Variants in DISP1 observed in about 807,000 individuals in gnomAD.
DISP1 encodes the protein protein dispatched homolog 1.
DISP1 carries 30 observed loss-of-function variants against 37.3 expected under a neutral mutation model. The ratio of observed to expected loss-of-function variants is 0.80; its 90% CI spans 0.60 to 1.09. DISP1 has a LOEUF of 1.09. Among genes scored for constraint, DISP1 ranks in the 50% least tolerant of loss-of-function variants. The probability of loss-of-function intolerance (pLI) is 0.00; values close to 1 mark genes in which losing one functional copy is unlikely to be tolerated. For synonymous variants in DISP1, 634 were observed against 690.2 expected (o/e 0.92, Z 1.28); for missense variants, 1,598 against 1,879.5 (o/e 0.85, Z 2.77).
intron 4 of DISP1, among the ~76,000 whole-genome samples, chr1:222,987,611 G>A (rs1251436793): frequency 2.0e-5 from 3 of 152,144 alleles, no homozygotes; most frequent in Non-Finnish European, 4.4e-5. Context: ...ATTGAATGGG[G>A]CTTTTAACGT....
chr1:222,955,055 A>G (rs994793917), intron 3 of DISP1, among the ~76,000 whole-genome samples: 3 of 151,712 alleles, frequency 2.0e-5, no homozygotes, highest in Admixed American at 6.6e-5. Context: ...GATTGCTCCC[A>G]TAAAATGAAT....
chr1:222,916,262 G>A (rs962748968), intron 1 of DISP1, among the ~76,000 whole-genome samples: 7 of 152,184 alleles, frequency 4.6e-5, no homozygotes, highest in African/African-American at 1.4e-4. Flanking sequence ...CAAATATATG[G>A]TCGCTTGATA....
At chr1:222,938,733 TAAAAAAAA>T (rs33948431) in intron 2 of DISP1, among the ~76,000 whole-genome samples, 2 of 57,618 alleles carry the variant, frequency 3.5e-5, no homozygotes, top group African/African-American at 7.2e-5. Flanking sequence ...ACCCTGTCTT[TAAAAAAAA>T]AAAAAAAAAA....
At chr1:222,860,216 G>A (rs1049466233) in intron 1 of DISP1, among the ~76,000 whole-genome samples, 7 of 152,032 alleles carry the variant, frequency 4.6e-5, no homozygotes, top group South Asian at 2.1e-4. Flanking sequence ...CACCAGGCCC[G>A]GCTAATTTTG....
chr1:222,815,055 A>T lies in DISP1; in HGVS notation c.-182A>T, dbSNP rs886292479. The T allele has an allele frequency of 6.6e-6, 1 of 152,200 alleles. No homozygotes were observed. 9.4% of individuals were successfully genotyped at this position (152,200 alleles called of 1,614,324 possible). ...CCAGGCGGAAGCCCGGCTCCGGGCC[A>T]GCATCCGAGAGCCCGGACTGGAGGT... On this transcript the variant is annotated 5_prime_UTR_variant, in exon 1 of 9. Coordinates refer to ENST00000675850, the MANE Select transcript of DISP1 (RefSeq NM_001377229.1).
chr1:222,907,140 C>T (rs1246347010), intron 1 of DISP1, among the ~76,000 whole-genome samples: 2 of 152,066 alleles, frequency 1.3e-5, no homozygotes, highest in Non-Finnish European at 2.9e-5. Context: ...AGAACTGAGG[C>T]AGGATTGTTG....
chr1:222,870,489 G>A (rs559391522), intron 1 of DISP1, among the ~76,000 whole-genome samples: 2,662 of 152,214 alleles, frequency 0.017, 97 homozygotes, highest in African/African-American at 0.06. Context: ...ATTCTAACTG[G>A]TGTGAGATGG....
intron 1 of DISP1, among the ~76,000 whole-genome samples, chr1:222,821,566 A>C (rs1375268764): frequency 6.6e-6 from 1 of 151,976 alleles, no homozygotes; most frequent in African/African-American, 2.4e-5. Context: ...TTCTCATGAG[A>C]TCTGATGGTT....
chr1:222,974,648 T>A (rs1400168445), intron 3 of DISP1, among the ~76,000 whole-genome samples: 1 of 152,128 alleles, frequency 6.6e-6, no homozygotes, highest in East Asian at 1.9e-4. Context: ...ATTTAGGAAA[T>A]GCATCACACA....
chr1:222,977,624 T>C (rs1336372838), intron 3 of DISP1, among the ~76,000 whole-genome samples: 1 of 151,616 alleles, frequency 6.6e-6, no homozygotes, highest in Admixed American at 6.6e-5. Context: ...CATGTTGGTG[T>C]GCTGCACCCA....
chr1:222,865,928 C>G (rs1335219274), intron 1 of DISP1, among the ~76,000 whole-genome samples: 1 of 152,086 alleles, frequency 6.6e-6, no homozygotes, highest in Non-Finnish European at 1.5e-5. Flanking sequence ...GGGGCCGGCC[C>G]CCTGTTGGGT....
chr1:222,981,531 C>T (rs916566785), intron 3 of DISP1, among the ~76,000 whole-genome samples: 28 of 152,138 alleles, frequency 1.8e-4, no homozygotes, highest in African/African-American at 6.3e-4. Context: ...AAAATGCATT[C>T]CAGAATGTTA....
intron 3 of DISP1, among the ~76,000 whole-genome samples, chr1:222,971,284 G>A (rs947283458): frequency 2.8e-5 from 3 of 108,536 alleles, no homozygotes; most frequent in Non-Finnish European, 5.7e-5. Flanking sequence ...AGAAGTTTGA[G>A]GGAAATGTCT....
At chr1:222,844,713 A>G (rs544816157) in intron 1 of DISP1, among the ~76,000 whole-genome samples, 1 of 152,168 alleles carries the variant, frequency 6.6e-6, no homozygotes, top group Non-Finnish European at 1.5e-5. Flanking sequence ...GTTTTTCTCA[A>G]TACAAAAAAT....
chr1:222,977,261 C>T (rs552468389), intron 3 of DISP1, among the ~76,000 whole-genome samples: 10 of 151,596 alleles, frequency 6.6e-5, no homozygotes, highest in Non-Finnish European at 1.5e-4. Context: ...CTTGAACTTC[C>T]GACCTCAGGT....
intron 3 of DISP1, among the ~76,000 whole-genome samples, chr1:222,956,466 G>T (rs962328513): frequency 5.0e-4 from 76 of 152,050 alleles, no homozygotes; most frequent in African/African-American, 1.7e-3. Flanking sequence ...CTGGATCTTT[G>T]TTTTTTAGGT....
intron 3 of DISP1, among the ~76,000 whole-genome samples, chr1:222,968,732 G>A (rs549736181): frequency 6.6e-6 from 1 of 152,116 alleles, no homozygotes; most frequent in Non-Finnish European, 1.5e-5. Context: ...TCAGGAGTTC[G>A]AGACCAGCCT....
intron 1 of DISP1, among the ~76,000 whole-genome samples, chr1:222,910,985 C>G (rs1280096428): frequency 6.6e-6 from 1 of 152,096 alleles, no homozygotes. Flanking sequence ...AGATGGTATC[C>G]TTTTTAGCTG....
intron 3 of DISP1, among the ~76,000 whole-genome samples, chr1:222,962,677 G>C (rs754057000): frequency 5.9e-5 from 9 of 152,136 alleles, no homozygotes; most frequent in Non-Finnish European, 1.3e-4. Flanking sequence ...CAAGCAATGG[G>C]AAAAGGATCT....
Sources: allele counts gnomAD v4.1 joint callset (sites outside exome capture counted in the v4.1 genomes callset), GRCh38; gene constraint gnomAD v4.1.1; transcripts MANE v1.5; gene names NCBI Gene and HGNC (gene_info 2026-07-23, HGNC 2026-07-21).